The following MAP3K1 variants were observed in gnomAD, a reference collection of about 807,000 sequenced individuals.
MAP3K1 encodes the protein mitogen-activated protein kinase kinase kinase 1, also known as MAP/ERK kinase kinase 1.
MAP3K1 carries 36 observed loss-of-function variants against 144.2 expected under a neutral mutation model. That is an observed-to-expected ratio of 0.25 (90% CI 0.19 to 0.33). The LOEUF is 0.33. MAP3K1 is among the 10% of genes least tolerant of loss of function. MAP3K1 has a pLI of 1.00. For missense variants in MAP3K1, 1,650 were observed against 1,881.9 expected, an observed-to-expected ratio of 0.88 and a Z score of 2.28; for synonymous variants, 718 against 688.7, an observed-to-expected ratio of 1.04 and a Z score of -0.67.
chr5:56,847,842 A>G (rs1205116535), intron 1 of MAP3K1, among the ~76,000 whole-genome samples: 1 of 152,166 alleles, frequency 6.6e-6, no homozygotes, highest in Non-Finnish European at 1.5e-5. Context: ...GTTATTTTAT[A>G]TGTTCCAGTG....
Position 56,815,650 on chromosome 5 carries a change from GC to G in MAP3K1, c.78del (p.Gly27AlafsTer158). The G allele has an allele frequency of 7.5e-7, 1 of 1,335,898 alleles. No individual in the cohort carries two copies. The highest frequency in any genetic ancestry group is 1.9e-5 in the South Asian group (1 of 51,876). The allele number at this position is 1,335,898 out of a possible 1,614,324, so 82.8% of individuals were successfully genotyped here. ...AGGGCTACGAGCCCTGAGGCAGGCG[GC>G]GGCGGAGGAGCCCTCAAGGCGAGCA... ...GARATSPEAGGGGGALKASSA... is the reference protein window; with the variant it reads ...GARATSPEAGXGGGALKASSA... On this transcript the variant is annotated frameshift_variant, in exon 1 of 20. Transcript: ENST00000399503. LOFTEE classifies it high-confidence loss of function.
chr5:56,890,563 A>C (rs1379877469), intron 19 of MAP3K1, among the ~76,000 whole-genome samples: 1 of 152,184 alleles, frequency 6.6e-6, no homozygotes, highest in African/African-American at 2.4e-5. Context: ...TGACTCAGCT[A>C]TGCCCATTGT....
intron 16 of MAP3K1, 102 bp downstream of exon 16, chr5:56,884,928 T>G: frequency 8.8e-7 from 1 of 1,141,524 alleles, no homozygotes; most frequent in South Asian, 1.4e-5. Flanking sequence ...TCAAATAGTT[T>G]GGGTTTCTAA....
At chr5:56,819,273 T>G (rs1581202306) in intron 1 of MAP3K1, among the ~76,000 whole-genome samples, 2 of 152,222 alleles carry the variant, frequency 1.3e-5, no homozygotes, top group East Asian at 3.8e-4. Flanking sequence ...TCCATTTTGT[T>G]AGATACGAAA....
chr5:56,826,173 C>T (rs1042423616), intron 1 of MAP3K1, among the ~76,000 whole-genome samples: 2 of 151,870 alleles, frequency 1.3e-5, no homozygotes, highest in Non-Finnish European at 2.9e-5. Context: ...TTTCCAGCTC[C>T]GTGGTGAGGT....
Position 56,882,217 on chromosome 5 carries a change from T to C in MAP3K1, c.3017T>C (p.Leu1006Pro), listed in dbSNP as rs199886645. The C allele has an allele frequency of 1.4e-5, 22 of 1,614,136 alleles. No homozygotes were observed. In the African/African-American group the frequency reaches 2.7e-4, roughly 20 times the overall value. ...GTATDVSKHR[L>P]QGFIPCRIPS... ...GCAACAGATGTCTCTAAGCATAGAC[T>C]TCAGGGATTCATTCCCTGCAGAATA... Residue 1006 changes from leucine (L) to proline (P), a missense_variant, in exon 14 of 20, where the codon CTT becomes CCT. By Grantham distance (98) the Leu-to-Pro change is moderately conservative (BLOSUM62 -3). Around this residue, in one of 6 missense-constraint regions of MAP3K1, gnomAD observed 841 missense variants for 886.5 expected, o/e 0.95. Transcript: ENST00000399503.
chr5:56,854,903 A>G (rs555790800), intron 1 of MAP3K1, among the ~76,000 whole-genome samples: 3 of 152,322 alleles, frequency 2.0e-5, no homozygotes, highest in Admixed American at 6.5e-5. Flanking sequence ...CTGGGAACCA[A>G]ACCACCTCTT....
intron 19 of MAP3K1, among the ~76,000 whole-genome samples, chr5:56,889,010 A>G (rs1216956144): frequency 4.6e-5 from 7 of 152,342 alleles, no homozygotes; most frequent in Non-Finnish European, 5.9e-5. Flanking sequence ...GAATTAGCAA[A>G]TACTAAAACA....
chr5:56,885,643 A>G (rs1336898467), intron 16 of MAP3K1, among the ~76,000 whole-genome samples: 2 of 152,204 alleles, frequency 1.3e-5, no homozygotes, highest in Non-Finnish European at 2.9e-5. Flanking sequence ...TTGAGAAGAC[A>G]GAGAATTGAA....
At chr5:56,832,736 TCTTAG>T (rs761940588) in intron 1 of MAP3K1, among the ~76,000 whole-genome samples, 16 of 152,242 alleles carry the variant, frequency 1.1e-4, no homozygotes, top group Non-Finnish European at 1.6e-4. Flanking sequence ...CATTTCTTTG[TCTTAG>T]CTTTTATTCA....
chr5:56,879,852 G>A (rs1356447213), intron 11 of MAP3K1, among the ~76,000 whole-genome samples: 3 of 152,168 alleles, frequency 2.0e-5, no homozygotes, highest in Admixed American at 2.0e-4. Context: ...AGCAAGAAGT[G>A]TTGAATCTCC....
At chr5:56,848,836 A>G (rs1284939129) in intron 1 of MAP3K1, among the ~76,000 whole-genome samples, 1 of 152,088 alleles carries the variant, frequency 6.6e-6, no homozygotes, top group East Asian at 1.9e-4. Flanking sequence ...GTGGTATTAA[A>G]CTGCTTATAT....
chr5:56,894,052 A>G lies in MAP3K1; in HGVS notation c.*372A>G, dbSNP rs1242279919. 5.3e-6 allele frequency: 2 copies of G among 376,662 alleles called. No individual in the cohort carries two copies. Among genetic ancestry groups the G allele is most frequent in the Non-Finnish European group, 9.9e-6 (2 of 201,328 alleles). The allele number at this position is 376,662 out of a possible 1,614,324, so 23.3% of individuals were successfully genotyped here. A position where few individuals can be genotyped will look rare whatever the true frequency, so the allele number is the denominator to read the frequency against. Reference sequence around the variant, plus strand: ...ATTTTAATATTTCAATTATTCTTCCATTTCATATAGTGATCACAAGCAGGG... The same window carrying G: ...ATTTTAATATTTCAATTATTCTTCCGTTTCATATAGTGATCACAAGCAGGG... On this transcript the variant is annotated 3_prime_UTR_variant, in exon 20 of 20. Coordinates refer to ENST00000399503, the MANE Select transcript of MAP3K1 (RefSeq NM_005921.2).
At chr5:56,826,597 G>A (rs1746322810) in intron 1 of MAP3K1, among the ~76,000 whole-genome samples, 2 of 152,226 alleles carry the variant, frequency 1.3e-5, no homozygotes, top group Non-Finnish European at 1.5e-5. Flanking sequence ...CAGAGAGCTT[G>A]ATGACGATGT....
Position 56,883,679 on chromosome 5 carries a change from G to A in MAP3K1, c.3819G>A (p.Gln1273=). Residue 1273 remains glutamine, a splice_region_variant and synonymous_variant, in exon 15 of 20, where the codon CAG becomes CAA. Coordinates refer to ENST00000399503, the MANE Select transcript of MAP3K1 (RefSeq NM_005921.2). The part of the protein sequence containing the change: ...VGTGTLMAVK[Q]VTYVRNTSSE... ...CTGGAACTTTAATGGCTGTTAAACA[G>A]GTAAATATCTAGTGAGCATATAAAT... is the stretch of plus-strand genomic sequence containing the variant. The A allele has an allele frequency of 6.2e-7, 1 of 1,613,852 alleles. No homozygotes were observed. Among genetic ancestry groups the A allele is most frequent in the Non-Finnish European group, 8.5e-7 (1 of 1,179,866 alleles).
intron 17 of MAP3K1, among the ~76,000 whole-genome samples, chr5:56,886,576 T>A (rs1406176431): frequency 6.6e-6 from 1 of 152,164 alleles, no homozygotes; most frequent in Non-Finnish European, 1.5e-5. Context: ...TTTCTACAGT[T>A]TTATTGCTAG....
intron 1 of MAP3K1, among the ~76,000 whole-genome samples, chr5:56,825,932 C>G (rs1581207091): frequency 1.3e-5 from 2 of 151,986 alleles, no homozygotes; most frequent in South Asian, 4.2e-4. Flanking sequence ...ATTTCAGCAT[C>G]GTGCTCAGTT....
intron 1 of MAP3K1, among the ~76,000 whole-genome samples, chr5:56,826,520 T>C (rs1581207569): frequency 2.0e-5 from 3 of 152,322 alleles, no homozygotes; most frequent in African/African-American, 7.2e-5. Flanking sequence ...AACCTACATA[T>C]TACTGTCCTT....
Position 56,815,729 on chromosome 5 carries a change from C to A in MAP3K1, c.156C>A (p.Arg52=), listed in dbSNP as rs1745926084. ...TGCGGGAGGCGGGCAGCGGGGGCCG[C>A]GAGCGGGCGGACTGGCGGCGGCGGC... ...GLLREAGSGG[R]ERADWRRRQL... The change falls in exon 1 of 20, where the codon CGC becomes CGA. Residue 52 remains arginine, a synonymous_variant. Coordinates refer to ENST00000399503, the MANE Select transcript of MAP3K1 (RefSeq NM_005921.2). 1 of 1,342,374 alleles carries A rather than the reference C, an allele frequency of 7.4e-7. No homozygotes were observed. Among genetic ancestry groups the A allele is most frequent in the South Asian group, 2.0e-5 (1 of 50,648 alleles). 83.2% of individuals were successfully genotyped at this position (1,342,374 alleles called of 1,614,324 possible).
Sources: gnomAD v4.1 joint callset for allele counts (sites outside exome capture counted in the v4.1 genomes callset) on GRCh38, gnomAD v4.1.1 for gene constraint, gnomAD v4.1.1 regional missense constraint, MANE v1.5 for transcripts, NCBI Gene and HGNC (gene_info 2026-07-23, HGNC 2026-07-21) for gene names.